The following SCG5 variants were observed in gnomAD, a reference collection of about 807,000 sequenced individuals.
The protein encoded by SCG5 is neuroendocrine protein 7B2.
Under a neutral mutation model 25.7 loss-of-function variants are expected in SCG5, and 18 were observed. That is an observed-to-expected ratio of 0.70 (90% CI 0.48 to 1.04). The LOEUF (loss-of-function observed/expected upper bound fraction) is 1.04, where lower values mean the gene tolerates loss of function less well. Ranked by LOEUF, SCG5 falls within the 50% of genes least tolerant of loss-of-function variation. The pLI is 0.00. For synonymous variants in SCG5, 101 were observed against 91.7 expected (o/e 1.10, Z -0.58); for missense variants, 206 against 259.8 (o/e 0.79, Z 1.42).
At chr15:32,686,609 G>A (rs2054717084) in intron 4 of SCG5, among the ~76,000 whole-genome samples, 1 of 152,142 alleles carries the variant, frequency 6.6e-6, no homozygotes, top group Non-Finnish European at 1.5e-5. Context: ...AAGAGAGAGT[G>A]AGGGAAAGAG....
At chr15:32,678,865 T>A (rs71462819) in intron 2 of SCG5, among the ~76,000 whole-genome samples, 3,793 of 152,292 alleles carry the variant, frequency 0.025, 73 homozygotes, top group Non-Finnish European at 0.034. Flanking sequence ...TGCAGCCAAA[T>A]GGAAAGATGC....
chr15:32,653,290 G>T (rs1053683872), intron 2 of SCG5, among the ~76,000 whole-genome samples: 1 of 152,172 alleles, frequency 6.6e-6, no homozygotes, highest in Non-Finnish European at 1.5e-5. Flanking sequence ...AATAACATGT[G>T]ACTATCTTAG....
chr15:32,663,031 GAATA>G (rs1348506593), intron 2 of SCG5, among the ~76,000 whole-genome samples: 8 of 44,816 alleles, frequency 1.8e-4, no homozygotes, highest in Non-Finnish European at 2.4e-4. Flanking sequence ...TAAAAAAAAA[GAATA>G]TATATATATA....
chr15:32,677,228 A>G (rs1477015076), intron 2 of SCG5, among the ~76,000 whole-genome samples: 2 of 152,210 alleles, frequency 1.3e-5, no homozygotes, highest in Non-Finnish European at 2.9e-5. Context: ...AATATAATAT[A>G]AATGTAAACA....
At chr15:32,663,072 T>TATATA (rs1327011675) in intron 2 of SCG5, among the ~76,000 whole-genome samples, 1 of 55,270 alleles carries the variant, frequency 1.8e-5, no homozygotes, top group East Asian at 5.3e-4. Flanking sequence ...TATATATATA[T>TATATA]ATATATAATA....
At chr15:32,669,016 C>T (rs1178011188) in intron 2 of SCG5, 2 of 152,256 alleles carry the variant, frequency 1.3e-5, no homozygotes, top group Non-Finnish European at 2.9e-5. Context: ...ACCCGACATA[C>T]TCTGCTTATC....
intron 2 of SCG5, among the ~76,000 whole-genome samples, chr15:32,653,743 C>A (rs548438274): frequency 6.6e-6 from 1 of 152,212 alleles, no homozygotes; most frequent in South Asian, 2.1e-4. Context: ...GAAGTCCACC[C>A]GTATTATAGA....
At chr15:32,667,503 G>A (rs901945335) in intron 2 of SCG5, among the ~76,000 whole-genome samples, 5 of 152,194 alleles carry the variant, frequency 3.3e-5, no homozygotes, top group South Asian at 2.1e-4. Flanking sequence ...GCGTATTGCC[G>A]GAGGCACCTC....
At position 32,687,655 on chromosome 15, in the gene SCG5, A is replaced by G. The variant is rs76806672; in HGVS notation, c.489+2986A>G. 3.9e-5 allele frequency among the ~76,000 whole-genome samples: 6 copies of G among 152,322 alleles called. No homozygotes were observed. The East Asian group carries it at 1.2e-3, about 29-fold the overall frequency. On this transcript the variant is annotated intron_variant, in intron 4 of 5. Transcript: ENST00000300175. ...TCATCATCTTTCATGATAGAACAGC[A>G]CAAAGACCCTGCTTCCTTATCTGCT...
chr15:32,659,973 A>G (rs2140522634), intron 2 of SCG5, among the ~76,000 whole-genome samples: 1 of 152,288 alleles, frequency 6.6e-6, no homozygotes, highest in African/African-American at 2.4e-5. Context: ...GTGTGCAAAA[A>G]CATGGCAACA....
chr15:32,678,660 T>C (rs1321387352), intron 2 of SCG5, among the ~76,000 whole-genome samples: 9 of 152,198 alleles, frequency 5.9e-5, no homozygotes, highest in African/African-American at 2.2e-4. Flanking sequence ...AAATGTTTTA[T>C]AGCCTTTGAC....
At chr15:32,691,837 C>A (rs1348444179) in intron 5 of SCG5, 74 bp downstream of exon 5, 1 of 1,572,578 alleles carries the variant, frequency 6.4e-7, no homozygotes, top group Non-Finnish European at 8.6e-7. Flanking sequence ...AGGCTGAAAC[C>A]CTCGCTTGTT....
chr15:32,661,359 C>A (rs1336187192), intron 2 of SCG5, among the ~76,000 whole-genome samples: 1 of 152,196 alleles, frequency 6.6e-6, no homozygotes, highest in African/African-American at 2.4e-5. Context: ...GTGGCTCATG[C>A]CTGTAATCCC....
chr15:32,683,345 T>G (rs2054650985), intron 3 of SCG5, among the ~76,000 whole-genome samples: 1 of 152,134 alleles, frequency 6.6e-6, no homozygotes. Context: ...TCACAATCCC[T>G]CCTCTGTCCC....
At chr15:32,678,923 G>T (rs968591816) in intron 2 of SCG5, among the ~76,000 whole-genome samples, 1 of 152,214 alleles carries the variant, frequency 6.6e-6, no homozygotes, top group Non-Finnish European at 1.5e-5. Flanking sequence ...AGTATAAAAA[G>T]ATACGTAGCA....
rs549282611 is a variant in SCG5 at position 32,644,975 on chromosome 15, G to A, written c.226+1157G>A. 4.6e-5 allele frequency among the ~76,000 whole-genome samples: 7 copies of A among 152,232 alleles called. No individual in the cohort carries two copies. In the East Asian group the frequency reaches 5.8e-4, roughly 13 times the overall value. Reference sequence around the variant, plus strand: ...TTAAGCCATTGAGTAAAACTAATTCGGTGAGATTGTAGTCTGTTTAGGTTG... The same window carrying A: ...TTAAGCCATTGAGTAAAACTAATTCAGTGAGATTGTAGTCTGTTTAGGTTG... On this transcript the variant is annotated intron_variant, in intron 2 of 5. Transcript: ENST00000300175.
intron 5 of SCG5, among the ~76,000 whole-genome samples, chr15:32,694,515 T>G (rs767651169): frequency 6.6e-6 from 1 of 152,254 alleles, no homozygotes; most frequent in South Asian, 2.1e-4. Context: ...TTTAATCTCA[T>G]ATTTGATAAA....
chr15:32,650,919 C>T (rs567754804), intron 2 of SCG5, among the ~76,000 whole-genome samples: 38 of 152,330 alleles, frequency 2.5e-4, no homozygotes, highest in African/African-American at 6.7e-4. Context: ...CACGTTCTGC[C>T]GGGCGCGATG....
intron 2 of SCG5, among the ~76,000 whole-genome samples, chr15:32,660,281 G>T (rs1282146185): frequency 6.6e-6 from 1 of 152,190 alleles, no homozygotes; most frequent in Admixed American, 6.5e-5. Context: ...CAGCTTGCCA[G>T]ATCCGTGACT....
Sources: gnomAD v4.1 joint callset for allele counts (sites outside exome capture counted in the v4.1 genomes callset) on GRCh38, gnomAD v4.1.1 for gene constraint, MANE v1.5 for transcripts, NCBI Gene and HGNC (gene_info 2026-07-23, HGNC 2026-07-21) for gene names.